Variants in CHRNA9 observed in about 807,000 individuals in gnomAD.
CHRNA9 encodes the protein neuronal acetylcholine receptor subunit alpha-9.
Under a neutral mutation model 36.8 loss-of-function variants are expected in CHRNA9, and 24 were observed. That is an observed-to-expected ratio of 0.65 (90% CI 0.47 to 0.92). The LOEUF (loss-of-function observed/expected upper bound fraction) is 0.92. Ranked by LOEUF, CHRNA9 falls within the 40% of genes least tolerant of loss-of-function variation. CHRNA9 has a pLI of 0.00. For missense variants in CHRNA9, 610 were observed against 601.2 expected, an observed-to-expected ratio of 1.01 and a Z score of -0.15; for synonymous variants, 231 against 231.8, an observed-to-expected ratio of 1.00 and a Z score of 0.03.
chr4:40,350,716 A>ACACACACACACACACC (rs1436059881), intron 4 of CHRNA9, among the ~76,000 whole-genome samples: 1 of 151,506 alleles, frequency 6.6e-6, no homozygotes, highest in Non-Finnish European at 1.5e-5. Flanking sequence ...ACACACACAC[A>ACACACACACACACACC]CACACACACA....
At chr4:40,342,998 G>A (rs1299508506) in intron 3 of CHRNA9, among the ~76,000 whole-genome samples, 1 of 152,102 alleles carries the variant, frequency 6.6e-6, no homozygotes, top group Non-Finnish European at 1.5e-5. Context: ...ATTGGAGATG[G>A]AACGAGGAAG....
At chr4:40,339,908 C>T (rs1433317233) in intron 3 of CHRNA9, among the ~76,000 whole-genome samples, 1 of 151,966 alleles carries the variant, frequency 6.6e-6, no homozygotes, top group African/African-American at 2.4e-5. Context: ...CTCAAGTGAT[C>T]CACCCAGCTC....
chr4:40,346,144 T>A (rs1230927422), intron 3 of CHRNA9, among the ~76,000 whole-genome samples: 1 of 152,246 alleles, frequency 6.6e-6, no homozygotes, highest in Non-Finnish European at 1.5e-5. Context: ...TTGGCCAATG[T>A]GGAGCACCAG....
intron 3 of CHRNA9, among the ~76,000 whole-genome samples, chr4:40,341,082 T>C (rs1403247078): frequency 6.6e-6 from 1 of 152,054 alleles, no homozygotes; most frequent in African/African-American, 2.4e-5. Flanking sequence ...ATACTGGCTC[T>C]TTCAGTAAAT....
intron 3 of CHRNA9, among the ~76,000 whole-genome samples, chr4:40,340,541 C>G (rs952059912): frequency 3.3e-5 from 5 of 152,196 alleles, no homozygotes; most frequent in African/African-American, 1.2e-4. Context: ...ATCCCTGACT[C>G]TGTAGAATCT....
chr4:40,349,466 A>G, intron 4 of CHRNA9, 52 bp downstream of exon 4: 2 of 1,542,108 alleles, frequency 1.3e-6, no homozygotes, highest in Non-Finnish European at 1.8e-6. Flanking sequence ...GCCTGGGGTC[A>G]TGCCTTTAAG....
intron 3 of CHRNA9, 37 bp from the exon 4 acceptor site, chr4:40,348,845 T>C (rs1712709711): frequency 6.3e-7 from 1 of 1,595,404 alleles, no homozygotes; most frequent in South Asian, 1.1e-5. Flanking sequence ...CAAGTTCTCC[T>C]AGCATGCGGC....
At chr4:40,340,025 C>G (rs562223824) in intron 3 of CHRNA9, among the ~76,000 whole-genome samples, 1 of 152,156 alleles carries the variant, frequency 6.6e-6, no homozygotes, top group East Asian at 1.9e-4. Context: ...TGGTCCCCCT[C>G]TCCCTCCTGT....
intron 4 of CHRNA9, chr4:40,350,031 T>C (rs890618709): frequency 2.0e-5 from 3 of 153,156 alleles, no homozygotes; most frequent in Non-Finnish European, 4.4e-5. Context: ...CCCTGGCATA[T>C]GGTAAGTACT....
chr4:40,353,226 C>A (rs1712852987), intron 4 of CHRNA9, among the ~76,000 whole-genome samples: 1 of 152,170 alleles, frequency 6.6e-6, no homozygotes, highest in South Asian at 2.1e-4. Context: ...CGCGGTGGCT[C>A]ACGCCTGTAA....
rs376206135 is a variant in CHRNA9 at position 40,335,843 on chromosome 4, T to C, written c.81T>C (p.Asp27=). The change falls in exon 2 of 5, where the codon GAT becomes GAC. Residue 27 remains aspartate (D), a synonymous_variant. Transcript: ENST00000310169. ...ASRLRAAETA[D]GKYAQKLFND... is the part of the protein sequence containing the mutation. Reference sequence around the variant, plus strand: ...GTTGAGTAGCTGCAGAGACGGCAGATGGAAAATATGCTCAGAAGTTGTTTA... The same window carrying C: ...GTTGAGTAGCTGCAGAGACGGCAGACGGAAAATATGCTCAGAAGTTGTTTA... 4.6e-5 allele frequency: 74 copies of C among 1,613,298 alleles called. No individual in the cohort carries two copies. Among genetic ancestry groups the C allele is most frequent in the Non-Finnish European group, 5.8e-5 (68 of 1,179,450 alleles).
intron 4 of CHRNA9, chr4:40,349,620 G>A (rs1167630059): frequency 5.4e-6 from 3 of 553,884 alleles, no homozygotes; most frequent in Non-Finnish European, 9.6e-6. Flanking sequence ...TGGTCTCTGG[G>A]TTTACACGAA....
At chr4:40,341,281 T>A (rs1012101505) in intron 3 of CHRNA9, among the ~76,000 whole-genome samples, 9 of 152,036 alleles carry the variant, frequency 5.9e-5, no homozygotes, top group African/African-American at 1.9e-4. Context: ...CAGGTTTTTT[T>A]TTTTGTTTTT....
Position 40,335,514 on chromosome 4 carries a change from C to A in CHRNA9, c.47C>A (p.Ala16Asp). 1 of 1,612,888 alleles carries A rather than the reference C, an allele frequency of 6.2e-7. No homozygotes were observed. Among genetic ancestry groups the A allele is most frequent in the Non-Finnish European group, 8.5e-7 (1 of 1,178,806 alleles). ...ATCTCCTTTTGCTGGATCTACTTTG[C>A]TGCTTCCAGACTGAGAGGTGAGAGG... Reference protein sequence around the residue: ...SCISFCWIYFAASRLRAAETA... With the variant: ...SCISFCWIYFDASRLRAAETA... The change falls in exon 1 of 5, where the codon GCT becomes GAT. Residue 16 changes from alanine (A) to aspartate (D), a missense_variant. Coordinates refer to ENST00000310169, the MANE Select transcript of CHRNA9 (RefSeq NM_017581.4).
chr4:40,354,214 A>G lies in CHRNA9; in HGVS notation c.1134A>G (p.Pro378=), dbSNP rs1560319593. The G allele has an allele frequency of 6.2e-7, 1 of 1,614,248 alleles. No homozygotes were observed. The highest frequency in any genetic ancestry group is 2.2e-5 in the East Asian group (1 of 44,888). The change falls in exon 5 of 5, where the codon CCA becomes CCG. Residue 378 remains proline, a synonymous_variant. Coordinates refer to ENST00000310169, the MANE Select transcript of CHRNA9 (RefSeq NM_017581.4). ...DHLTKVYSKL[P]ESNLKAARNK... is the part of the protein sequence containing the mutation. ...TCACGAAAGTTTATAGCAAACTCCC[A>G]GAGTCTAACCTGAAAGCAGCCAGGA...
intron 3 of CHRNA9, chr4:40,337,975 A>G (rs1712375747): frequency 1.3e-5 from 2 of 152,248 alleles, no homozygotes; most frequent in Non-Finnish European, 2.9e-5. Context: ...AACTAATTAC[A>G]TCTTCATGAT....
rs1163247429 is a variant in CHRNA9, at chr4:40,348,988, G to C, written c.472G>C (p.Asp158His). The change falls in exon 4 of 5, where the codon GAT (aspartate) becomes CAT (histidine). Residue 158 changes from aspartate (D) to histidine (H), a missense_variant. Physicochemically the swap from Asp to His is moderately conservative, Grantham distance 81 (BLOSUM62 -1). Coordinates refer to ENST00000310169, the MANE Select transcript of CHRNA9 (RefSeq NM_017581.4). ...CATCACCAAAAGCTCCTGTGTGGTG[G>C]ATGTCACCTACTTCCCTTTTGACAA... ...PAITKSSCVV[D>H]VTYFPFDNQQ... The C allele has an allele frequency of 1.9e-6, 3 of 1,614,208 alleles. No individual in the cohort carries two copies. Among genetic ancestry groups the C allele is most frequent in the Non-Finnish European group, 1.7e-6 (2 of 1,180,028 alleles).
rs773005440 is a variant in CHRNA9 at position 40,348,935 on chromosome 4, ATGGGCTGATCACC to A, written c.424_436del (p.Leu142MetfsTer26). On this transcript the variant is annotated frameshift_variant, in exon 4 of 5. Transcript: ENST00000310169. LOFTEE classifies it high-confidence loss of function. ...AACACCAATGTGGTCCTGCGGTATGATGGGCTGATCACCTGGGATGCACCGGCCATCACCAAAA... is the reference window on the plus strand; with the variant it reads ...AACACCAATGTGGTCCTGCGGTATGATGGGATGCACCGGCCATCACCAAAA... The A allele has an allele frequency of 5.0e-6, 8 of 1,614,042 alleles. No individual in the cohort carries two copies. In the African/African-American group the frequency reaches 8.0e-5, roughly 16 times the overall value.
At chr4:40,341,448 T>A (rs1340108316) in intron 3 of CHRNA9, among the ~76,000 whole-genome samples, 2 of 152,140 alleles carry the variant, frequency 1.3e-5, no homozygotes, top group Non-Finnish European at 2.9e-5. Flanking sequence ...AGCTTCCAAC[T>A]CGTCACAGAC....
Sources: gnomAD v4.1 joint callset for allele counts (sites outside exome capture counted in the v4.1 genomes callset) on GRCh38, gnomAD v4.1.1 for gene constraint, MANE v1.5 for transcripts, NCBI Gene and HGNC (gene_info 2026-07-23, HGNC 2026-07-21) for gene names.